The following LRP1B variants were observed in gnomAD, a reference collection of about 807,000 sequenced individuals.
LRP1B encodes low-density lipoprotein receptor-related protein 1B.
A neutral mutation model predicts 556.6 loss-of-function variants in LRP1B; 217 were observed. The ratio of observed to expected loss-of-function variants is 0.39; its 90% CI spans 0.35 to 0.44. LRP1B has a LOEUF of 0.44. LRP1B is among the 20% of genes least tolerant of loss of function. The pLI is 1.00. For missense variants in LRP1B, 5,053 were observed against 5,620.8 expected, an observed-to-expected ratio of 0.90 and a Z score of 3.23; for synonymous variants, 2,047 against 1,865.8, an observed-to-expected ratio of 1.10 and a Z score of -2.50.
At chr2:141,201,585 GTTA>G (rs1253060513) in intron 6 of LRP1B, among the ~76,000 whole-genome samples, 3 of 151,356 alleles carry the variant, frequency 2.0e-5, no homozygotes, top group East Asian at 3.9e-4. Context: ...CATATTTTAA[GTTA>G]TTATTATATT....
At chr2:141,052,897 C>T (rs1699076984) in intron 10 of LRP1B, among the ~76,000 whole-genome samples, 1 of 151,972 alleles carries the variant, frequency 6.6e-6, no homozygotes, top group East Asian at 2.0e-4. Flanking sequence ...CTCAGCCTCC[C>T]AAAGTGCTGA....
chr2:142,079,203 C>T (rs1035540982), intron 1 of LRP1B, among the ~76,000 whole-genome samples: 2 of 152,130 alleles, frequency 1.3e-5, no homozygotes, highest in African/African-American at 4.8e-5. Flanking sequence ...AGACAGACAA[C>T]TGTTACATGA....
intron 83 of LRP1B, among the ~76,000 whole-genome samples, chr2:140,310,364 T>C (rs1364984765): frequency 1.3e-5 from 2 of 149,214 alleles, no homozygotes; most frequent in Admixed American, 6.8e-5. Flanking sequence ...AAAATACCAA[T>C]GCCATTTTTC....
chr2:140,901,935 G>A (rs1029102985), intron 23 of LRP1B, among the ~76,000 whole-genome samples: 1 of 152,002 alleles, frequency 6.6e-6, no homozygotes, highest in East Asian at 1.9e-4. Context: ...TGGGTCTAAT[G>A]GATCCCATTA....
At chr2:141,527,074 G>A (rs1684715328) in intron 2 of LRP1B, among the ~76,000 whole-genome samples, 1 of 152,004 alleles carries the variant, frequency 6.6e-6, no homozygotes, top group Non-Finnish European at 1.5e-5. Flanking sequence ...TCATGGGGTG[G>A]ACACCAAGTA....
chr2:141,034,599 T>G (rs909562485), intron 11 of LRP1B, among the ~76,000 whole-genome samples: 1 of 151,724 alleles, frequency 6.6e-6, no homozygotes, highest in Admixed American at 6.6e-5. Flanking sequence ...AAAAAACACA[T>G]GAAAAAATGC....
intron 1 of LRP1B, among the ~76,000 whole-genome samples, chr2:141,891,493 T>C (rs1339681305): frequency 6.6e-6 from 1 of 152,180 alleles, no homozygotes; most frequent in Non-Finnish European, 1.5e-5. Flanking sequence ...AGGTTATATA[T>C]GCATACCCAC....
chr2:141,636,216 G>A (rs924003896), intron 2 of LRP1B, among the ~76,000 whole-genome samples: 23 of 152,044 alleles, frequency 1.5e-4, no homozygotes, highest in Non-Finnish European at 2.4e-4. Context: ...AACGTTGGGA[G>A]TCACCAATAA....
intron 41 of LRP1B, among the ~76,000 whole-genome samples, chr2:140,660,900 A>G (rs1182132256): frequency 1.5e-5 from 2 of 136,904 alleles, no homozygotes; most frequent in African/African-American, 5.4e-5. Context: ...TCTCATTTTT[A>G]TTGCATTTAG....
rs752953811 is a variant in LRP1B at position 140,601,469 on chromosome 2, C to T, written c.6970G>A (p.Ala2324Thr). The change falls in exon 42 of 91, where the codon GCC becomes ACC. Residue 2324 changes from alanine (A) to threonine (T), a missense_variant. Around this residue, in one of 5 missense-constraint regions of LRP1B, gnomAD observed 3,619 missense variants for 3,931.9 expected, o/e 0.92. Transcript: ENST00000389484. Reference protein sequence around the residue: ...MSEDDHPHVLALDECQNLMFW... With the variant: ...MSEDDHPHVLTLDECQNLMFW... ...TCTTACTTTTGACATTCATCCAAGG[C>T]TAGCACATGTGGATGGTCATCTTCT... 6.2e-7 allele frequency: 1 copy of T among 1,611,904 alleles called. No individual in the cohort carries two copies. The highest frequency in any genetic ancestry group is 8.5e-7 in the Non-Finnish European group (1 of 1,178,600).
chr2:141,280,625 A>G (rs1228524860), intron 3 of LRP1B, among the ~76,000 whole-genome samples: 2 of 151,992 alleles, frequency 1.3e-5, no homozygotes, highest in African/African-American at 4.8e-5. Context: ...GCTTGTTTAA[A>G]GTCCCAGTAA....
At chr2:140,995,375 G>A (rs907670690) in intron 15 of LRP1B, among the ~76,000 whole-genome samples, 2 of 152,030 alleles carry the variant, frequency 1.3e-5, no homozygotes, top group East Asian at 1.9e-4. Context: ...GTAGGGAGAT[G>A]TATCTTTGCA....
At chr2:140,666,998 A>T (rs1208896415) in intron 41 of LRP1B, among the ~76,000 whole-genome samples, 1 of 152,214 alleles carries the variant, frequency 6.6e-6, no homozygotes, top group Non-Finnish European at 1.5e-5. Context: ...AGGACAGAAC[A>T]TACTTATTAT....
chr2:141,640,809 GA>G (rs5834854), intron 2 of LRP1B, among the ~76,000 whole-genome samples: 135,882 of 150,448 alleles, frequency 0.9, 61,367 homozygotes, highest in East Asian at 0.94. Flanking sequence ...ATAAAAATAA[GA>G]AAAAAAAAAA....
chr2:140,401,679 G>A (rs1041992241), intron 66 of LRP1B, among the ~76,000 whole-genome samples: 1 of 152,196 alleles, frequency 6.6e-6, no homozygotes, highest in African/African-American at 2.4e-5. Flanking sequence ...GCAACATAGA[G>A]CAAGCTCAAA....
Position 140,794,478 on chromosome 2 carries a change from AACACACACACACAC to A in LRP1B, c.5360-18254_5360-18241del, listed in dbSNP as rs6146938. Among the ~76,000 whole-genome samples, 515 of 150,026 alleles carry A rather than the reference AACACACACACACAC, an allele frequency of 3.4e-3. 3 individuals are homozygous for A. Among genetic ancestry groups the A allele is most frequent in the East Asian group, 0.026 (133 of 5,120 alleles). On this transcript the variant is annotated intron_variant, in intron 32 of 90. Transcript: ENST00000389484. Reference sequence around the variant, plus strand: ...ACTTGGAGGCATATTAGCTATTTAAAACACACACACACACACACACACACACACACACACACACA... The same window carrying A: ...ACTTGGAGGCATATTAGCTATTTAAAACACACACACACACACACACACACA...
chr2:140,934,838 T>A (rs927435644), intron 20 of LRP1B, among the ~76,000 whole-genome samples: 3 of 152,184 alleles, frequency 2.0e-5, no homozygotes, highest in African/African-American at 7.2e-5. Flanking sequence ...GCCCTCTTAC[T>A]TTCATTTCAT....
At chr2:141,128,388 CT>C (rs1701268230) in intron 7 of LRP1B, among the ~76,000 whole-genome samples, 1 of 152,110 alleles carries the variant, frequency 6.6e-6, no homozygotes, top group African/African-American at 2.4e-5. Context: ...AACAATTTCT[CT>C]CCTCTGATTC....
At chr2:140,736,410 G>A (rs796925657) in intron 35 of LRP1B, among the ~76,000 whole-genome samples, 16 of 152,100 alleles carry the variant, frequency 1.1e-4, no homozygotes, top group South Asian at 4.2e-4. Context: ...AAAAGAGCCC[G>A]CATTGCCAAG....
Sources: gnomAD v4.1 joint callset for allele counts (sites outside exome capture counted in the v4.1 genomes callset) on GRCh38, gnomAD v4.1.1 for gene constraint, gnomAD v4.1.1 regional missense constraint, MANE v1.5 for transcripts, NCBI Gene and HGNC (gene_info 2026-07-23, HGNC 2026-07-21) for gene names.